Variants in ZNF407 observed in about 807,000 individuals in gnomAD.
The protein encoded by ZNF407 is zinc finger protein 407.
A neutral mutation model predicts 131.2 loss-of-function variants in ZNF407; 17 were observed. That is an observed-to-expected ratio of 0.13 (90% CI 0.09 to 0.19). The LOEUF is 0.19. Ranked by LOEUF, ZNF407 falls within the 10% of genes least tolerant of loss-of-function variation. The pLI is 1.00. For synonymous variants in ZNF407, 1,156 were observed against 1,062.0 expected (o/e 1.09, Z -1.72); for missense variants, 2,681 against 2,830.6 (o/e 0.95, Z 1.20).
intron 8 of ZNF407, among the ~76,000 whole-genome samples, chr18:74,928,370 T>C (rs1285532591): frequency 6.6e-6 from 1 of 152,212 alleles, no homozygotes; most frequent in Non-Finnish European, 1.5e-5. Context: ...GTTCTTATTA[T>C]GTAGATGAAG....
At chr18:74,804,971 A>G (rs1970086600) in intron 4 of ZNF407, among the ~76,000 whole-genome samples, 1 of 152,190 alleles carries the variant, frequency 6.6e-6, no homozygotes, top group Non-Finnish European at 1.5e-5. Context: ...ATCTGAATTC[A>G]GCTACCGTTG....
intron 8 of ZNF407, among the ~76,000 whole-genome samples, chr18:75,006,636 T>G (rs150734525): frequency 2.6e-5 from 4 of 152,308 alleles, no homozygotes; most frequent in African/African-American, 9.6e-5. Context: ...TATGAGCCAG[T>G]TCTTTGAAAT....
intron 4 of ZNF407, among the ~76,000 whole-genome samples, chr18:74,867,323 A>C (rs889171099): frequency 3.9e-5 from 6 of 152,196 alleles, no homozygotes; most frequent in African/African-American, 1.4e-4. Flanking sequence ...CCTGGCACGA[A>C]TTGCTGGCAA....
At chr18:74,922,484 AAAAAAAG>A (rs1364267119) in intron 8 of ZNF407, among the ~76,000 whole-genome samples, 1 of 152,166 alleles carries the variant, frequency 6.6e-6, no homozygotes, top group Non-Finnish European at 1.5e-5. Flanking sequence ...CTTATCTTTA[AAAAAAAG>A]AAGACTGTAA....
chr18:74,958,887 G>A (rs528197989), intron 8 of ZNF407, among the ~76,000 whole-genome samples: 8 of 152,266 alleles, frequency 5.3e-5, no homozygotes, highest in Non-Finnish European at 8.8e-5. Flanking sequence ...ACACCCATGC[G>A]CACACAAAAA....
At chr18:74,767,720 T>A (rs937563620) in intron 3 of ZNF407, among the ~76,000 whole-genome samples, 1 of 149,166 alleles carries the variant, frequency 6.7e-6, no homozygotes, top group Non-Finnish European at 1.5e-5. Flanking sequence ...GTGGTGCGAT[T>A]TCGGCTCACT....
At chr18:74,867,369 T>G (rs1971027798) in intron 4 of ZNF407, among the ~76,000 whole-genome samples, 1 of 152,100 alleles carries the variant, frequency 6.6e-6, no homozygotes, top group Non-Finnish European at 1.5e-5. Context: ...TTTAAACAGT[T>G]TGTGGAATAG....
intron 8 of ZNF407, among the ~76,000 whole-genome samples, chr18:75,036,945 A>G (rs1973315638): frequency 6.6e-6 from 1 of 152,212 alleles, no homozygotes; most frequent in South Asian, 2.1e-4. Context: ...GAAGAGGGAA[A>G]TTGCTTCTAG....
intron 8 of ZNF407, among the ~76,000 whole-genome samples, chr18:75,004,749 C>T (rs1320296386): frequency 6.6e-6 from 1 of 152,216 alleles, no homozygotes; most frequent in Admixed American, 6.5e-5. Flanking sequence ...CTTCAGCCGT[C>T]ATCAACCATC....
chr18:75,028,568 C>T (rs895928707), intron 8 of ZNF407, among the ~76,000 whole-genome samples: 4 of 152,196 alleles, frequency 2.6e-5, no homozygotes, highest in African/African-American at 9.7e-5. Flanking sequence ...TTAAAATATA[C>T]GTTAAACAAA....
chr18:74,601,852 T>G (rs1982599353), intron 1 of ZNF407, among the ~76,000 whole-genome samples: 1 of 152,130 alleles, frequency 6.6e-6, no homozygotes, highest in Non-Finnish European at 1.5e-5. Flanking sequence ...ATCCAAACTG[T>G]TTCGAGGGGA....
intron 3 of ZNF407, among the ~76,000 whole-genome samples, chr18:74,671,428 G>A (rs1025248300): frequency 2.0e-5 from 3 of 151,830 alleles, no homozygotes; most frequent in East Asian, 1.9e-4. Flanking sequence ...CTCATGTCAC[G>A]GGGGTTTGTT....
chr18:74,714,728 C>T (rs1967850181), intron 3 of ZNF407, among the ~76,000 whole-genome samples: 2 of 152,072 alleles, frequency 1.3e-5, no homozygotes, highest in Admixed American at 1.3e-4. Context: ...ACAATATTCA[C>T]CACCTGGAAA....
At chr18:75,017,939 C>G (rs1414432956) in intron 8 of ZNF407, among the ~76,000 whole-genome samples, 1 of 152,096 alleles carries the variant, frequency 6.6e-6, no homozygotes, top group Non-Finnish European at 1.5e-5. Flanking sequence ...TAACTAATTT[C>G]TAGCAAAAGG....
chr18:75,002,567 A>C (rs1172198407), intron 8 of ZNF407, among the ~76,000 whole-genome samples: 5 of 152,170 alleles, frequency 3.3e-5, no homozygotes, highest in Admixed American at 1.3e-4. Context: ...CTTTGGGAGG[A>C]CAAGGCGGGT....
chr18:75,042,225 G>C (rs890337169), intron 8 of ZNF407, among the ~76,000 whole-genome samples: 1 of 151,974 alleles, frequency 6.6e-6, no homozygotes, highest in African/African-American at 2.4e-5. Context: ...TGTAACAACA[G>C]TAAAAGTAAA....
At chr18:74,734,506 A>G (rs1457725039) in intron 3 of ZNF407, among the ~76,000 whole-genome samples, 1 of 152,206 alleles carries the variant, frequency 6.6e-6, no homozygotes, top group Non-Finnish European at 1.5e-5. Context: ...TCTCTTCTAT[A>G]GGTACATAAT....
At chr18:74,826,770 C>G (rs1970415409) in intron 4 of ZNF407, among the ~76,000 whole-genome samples, 1 of 152,184 alleles carries the variant, frequency 6.6e-6, no homozygotes, top group Non-Finnish European at 1.5e-5. Context: ...GTCATCTTCA[C>G]TGGCAGCATG....
intron 4 of ZNF407, among the ~76,000 whole-genome samples, chr18:74,850,792 C>G (rs1183686715): frequency 6.6e-6 from 1 of 152,156 alleles, no homozygotes; most frequent in East Asian, 1.9e-4. Flanking sequence ...CCTTCGTGTT[C>G]CGTATTATGT....
Sources: allele counts gnomAD v4.1 joint callset (sites outside exome capture counted in the v4.1 genomes callset), GRCh38; gene constraint gnomAD v4.1.1; transcripts MANE v1.5; gene names NCBI Gene and HGNC (gene_info 2026-07-23, HGNC 2026-07-21).